The following HPSE2 variants were observed in gnomAD, a reference collection of about 807,000 sequenced individuals.
HPSE2 encodes the protein heparanase 2 (inactive).
HPSE2 carries 38 observed loss-of-function variants against 60.5 expected under a neutral mutation model. The ratio of observed to expected loss-of-function variants is 0.63; its 90% CI spans 0.48 to 0.82. HPSE2 has a LOEUF of 0.82. Among genes scored for constraint, HPSE2 ranks in the 40% least tolerant of loss-of-function variants. The probability of loss-of-function intolerance (pLI) is 0.00; values close to 1 mark genes in which losing one functional copy is unlikely to be tolerated. For synonymous variants in HPSE2, 295 were observed against 293.2 expected, an observed-to-expected ratio of 1.01 and a Z score of -0.06; for missense variants, 713 against 740.4, an observed-to-expected ratio of 0.96 and a Z score of 0.43.
At chr10:98,539,094 A>T (rs1022427292) in intron 9 of HPSE2, among the ~76,000 whole-genome samples, 1 of 152,226 alleles carries the variant, frequency 6.6e-6, no homozygotes, top group Non-Finnish European at 1.5e-5. Context: ...ACTGCTTGAT[A>T]TTAGGCTCAG....
At chr10:99,016,639 A>G (rs1430333309) in intron 3 of HPSE2, among the ~76,000 whole-genome samples, 2 of 152,180 alleles carry the variant, frequency 1.3e-5, no homozygotes, top group South Asian at 2.1e-4. Context: ...CATTTTAACC[A>G]TATTGATTCT....
the HPSE2 span, among the ~76,000 whole-genome samples, chr10:99,300,654 G>T: frequency 6.6e-6 from 1 of 152,174 alleles, no homozygotes; most frequent in African/African-American, 2.4e-5. Flanking sequence ...AAGGCCAACA[G>T]GCCAGGAAGG....
chr10:98,534,366 A>C (rs1485999518), intron 9 of HPSE2, among the ~76,000 whole-genome samples: 1 of 152,160 alleles, frequency 6.6e-6, no homozygotes, highest in Non-Finnish European at 1.5e-5. Context: ...ACCCCAACTG[A>C]AATTTCCCAG....
intron 3 of HPSE2, among the ~76,000 whole-genome samples, chr10:98,810,555 T>C (rs2134568087): frequency 6.6e-6 from 1 of 152,222 alleles, no homozygotes; most frequent in East Asian, 1.9e-4. Context: ...AAGTGGTATA[T>C]ACTGAAGTAT....
intron 3 of HPSE2, among the ~76,000 whole-genome samples, chr10:98,874,023 G>T (rs1402371104): frequency 1.4e-5 from 2 of 145,758 alleles, no homozygotes; most frequent in Non-Finnish European, 3.1e-5. Flanking sequence ...TTTGAAAAGT[G>T]TCTGTTCATA....
chr10:98,956,426 T>C (rs113809213), intron 3 of HPSE2, among the ~76,000 whole-genome samples: 5,726 of 152,252 alleles, frequency 0.038, 167 homozygotes, highest in Non-Finnish European at 0.061. Flanking sequence ...TAACAGTGGA[T>C]TAAGTAAGAT....
At chr10:99,143,717 T>C (rs968900251) in intron 3 of HPSE2, among the ~76,000 whole-genome samples, 8 of 152,216 alleles carry the variant, frequency 5.3e-5, no homozygotes, top group Non-Finnish European at 1.0e-4. Context: ...CTGACACATA[T>C]TCACTTTCCT....
chr10:99,048,311 A>C, intron 3 of HPSE2: 3 of 419,268 alleles, frequency 7.2e-6, no homozygotes, highest in South Asian at 4.4e-5. Flanking sequence ...GAAAAAGACC[A>C]CCCATTTTAT....
intron 3 of HPSE2, among the ~76,000 whole-genome samples, chr10:99,143,665 G>C (rs1185217892): frequency 2.6e-5 from 4 of 152,136 alleles, no homozygotes; most frequent in Non-Finnish European, 5.9e-5. Context: ...TTACCAGCAA[G>C]TCTGCAAGCA....
At chr10:98,555,796 G>A (rs911740448) in intron 9 of HPSE2, among the ~76,000 whole-genome samples, 2 of 152,108 alleles carry the variant, frequency 1.3e-5, no homozygotes, top group Admixed American at 6.6e-5. Flanking sequence ...TTGACAACAC[G>A]AAAATAACGT....
chr10:98,853,239 GT>G (rs1299536885), intron 3 of HPSE2, among the ~76,000 whole-genome samples: 1 of 152,142 alleles, frequency 6.6e-6, no homozygotes. Context: ...TCCAGCATTT[GT>G]GAGGGGCTTT....
chr10:98,925,294 G>A (rs1368799921), intron 3 of HPSE2, among the ~76,000 whole-genome samples: 1 of 152,038 alleles, frequency 6.6e-6, no homozygotes, highest in Admixed American at 6.5e-5. Context: ...GGGACAAACA[G>A]TGAAGGCTTC....
At chr10:98,652,268 G>C (rs1220576629) in intron 6 of HPSE2, among the ~76,000 whole-genome samples, 1 of 152,136 alleles carries the variant, frequency 6.6e-6, no homozygotes, top group Admixed American at 6.5e-5. Context: ...GAATAGGAAG[G>C]TAAGAGCCAG....
chr10:98,594,852 A>G (rs957486214), intron 9 of HPSE2, among the ~76,000 whole-genome samples: 10 of 152,058 alleles, frequency 6.6e-5, no homozygotes, highest in Non-Finnish European at 1.2e-4. Context: ...ATGGTAGCTT[A>G]TTTTTATTAT....
intron 3 of HPSE2, among the ~76,000 whole-genome samples, chr10:99,002,173 A>G (rs1481273881): frequency 6.6e-6 from 1 of 152,202 alleles, no homozygotes; most frequent in Non-Finnish European, 1.5e-5. Context: ...GTAATATTAT[A>G]ACCCAAAATA....
At chr10:99,243,095 T>C in the HPSE2 span, among the ~76,000 whole-genome samples, 2 of 152,224 alleles carry the variant, frequency 1.3e-5, no homozygotes, top group Non-Finnish European at 2.9e-5. Flanking sequence ...GGCTCACGCC[T>C]ATAATCCCAG....
At chr10:98,888,432 A>G (rs1273243138) in intron 3 of HPSE2, among the ~76,000 whole-genome samples, 1 of 152,170 alleles carries the variant, frequency 6.6e-6, no homozygotes, top group East Asian at 1.9e-4. Context: ...TAATTTTTGT[A>G]CTAGGAAATT....
intron 5 of HPSE2, among the ~76,000 whole-genome samples, chr10:98,698,487 A>G (rs1197119291): frequency 6.6e-6 from 1 of 152,150 alleles, no homozygotes; most frequent in Admixed American, 6.5e-5. Flanking sequence ...ACACATTCAA[A>G]GCAGTGTGAA....
intron 3 of HPSE2, among the ~76,000 whole-genome samples, chr10:99,003,982 G>A (rs6584230): frequency 0.16 from 24,052 of 151,932 alleles, 2,762 homozygotes; most frequent in African/African-American, 0.32. Flanking sequence ...TGTGAGACAA[G>A]GTTTTAATTT....
Sources: allele counts gnomAD v4.1 joint callset (sites outside exome capture counted in the v4.1 genomes callset), GRCh38; gene constraint gnomAD v4.1.1; transcripts MANE v1.5; gene names NCBI Gene and HGNC (gene_info 2026-07-23, HGNC 2026-07-21).